LIN7A: variants seen among roughly 807,000 people sequenced by gnomAD.
LIN7A encodes protein lin-7 homolog A.
In LIN7A, 25 loss-of-function variants were observed where a neutral mutation model predicts 29.8. That is an observed-to-expected ratio of 0.84 (90% CI 0.61 to 1.17). The LOEUF (loss-of-function observed/expected upper bound fraction) is 1.17, where lower values mean the gene tolerates loss of function less well. LIN7A is among the 50% of genes most tolerant of loss of function. The pLI is 0.00. For missense variants in LIN7A, 239 were observed against 287.0 expected (o/e 0.83, Z 1.21); for synonymous variants, 118 against 107.5 (o/e 1.10, Z -0.60).
At chr12:80,831,802 A>C (rs1428066104) in intron 4 of LIN7A, among the ~76,000 whole-genome samples, 1 of 152,170 alleles carries the variant, frequency 6.6e-6, no homozygotes, top group Non-Finnish European at 1.5e-5. Context: ...AATTGCTATA[A>C]CATGGGCAAT....
intron 2 of LIN7A, among the ~76,000 whole-genome samples, chr12:80,877,903 A>G (rs928748117): frequency 7.9e-5 from 12 of 151,566 alleles, no homozygotes; most frequent in Non-Finnish European, 1.8e-4. Flanking sequence ...CCGTGGTGCC[A>G]AAAATAGAAG....
At chr12:80,907,458 G>A (rs1284011414) in intron 1 of LIN7A, among the ~76,000 whole-genome samples, 1 of 152,092 alleles carries the variant, frequency 6.6e-6, no homozygotes, top group African/African-American at 2.4e-5. Context: ...CAATGGACTT[G>A]GAAGTCAACA....
chr12:80,880,503 C>G (rs765116373), intron 2 of LIN7A, among the ~76,000 whole-genome samples: 1 of 152,116 alleles, frequency 6.6e-6, no homozygotes, highest in Non-Finnish European at 1.5e-5. Context: ...CTGGCTATGT[C>G]TGTGAAATTA....
At position 80,899,765 on chromosome 12, in the gene LIN7A, C is replaced by CTTT. The variant is rs760389788; in HGVS notation, c.83-10399_83-10397dup. Among the ~76,000 whole-genome samples, 334 of 110,040 alleles carry CTTT rather than the reference C, an allele frequency of 3.0e-3. 27 individuals are homozygous for CTTT. The highest frequency in any genetic ancestry group is 8.6e-3 in the Middle Eastern group (1 of 116). 72.2% of individuals were successfully genotyped at this position (110,040 alleles called of 152,430 possible). On this transcript the variant is annotated intron_variant, in intron 1 of 5. Coordinates refer to ENST00000552864, the MANE Select transcript of LIN7A (RefSeq NM_004664.4). ...CATTTCCTCTAGGTTTTCTTTTTTT[C>CTTT]TTTTCTTTTTTTTTTTTTTTTGAGA...
At chr12:80,845,685 A>T (rs753808468) in intron 4 of LIN7A, 45 bp downstream of exon 4, 1 of 1,512,532 alleles carries the variant, frequency 6.6e-7, no homozygotes, top group Non-Finnish European at 9.0e-7. Flanking sequence ...GCAAAAAAAA[A>T]GAATGTGCTT....
intron 5 of LIN7A, among the ~76,000 whole-genome samples, chr12:80,809,987 C>G (rs187282948): frequency 5.9e-4 from 90 of 152,170 alleles, no homozygotes; most frequent in African/African-American, 2.1e-3. Context: ...AAAGTTGTTA[C>G]CACAAATACT....
intron 1 of LIN7A, among the ~76,000 whole-genome samples, chr12:80,909,198 C>A (rs561658319): frequency 3.7e-4 from 56 of 152,240 alleles, no homozygotes; most frequent in African/African-American, 1.3e-3. Context: ...CCAATTTTTA[C>A]AGTACCATTA....
chr12:80,927,264 C>T (rs1038697998), intron 1 of LIN7A, among the ~76,000 whole-genome samples: 2 of 144,328 alleles, frequency 1.4e-5, no homozygotes, highest in African/African-American at 5.2e-5. Flanking sequence ...CGGCTTCAGG[C>T]GATTCACCTG....
chr12:80,887,913 G>A (rs376725222), intron 2 of LIN7A, among the ~76,000 whole-genome samples: 6 of 152,038 alleles, frequency 3.9e-5, no homozygotes, highest in Non-Finnish European at 7.4e-5. Context: ...ATCAAATTTC[G>A]GGGGAATGGC....
At chr12:80,898,382 A>G (rs75803996) in intron 1 of LIN7A, among the ~76,000 whole-genome samples, 9,539 of 152,124 alleles carry the variant, frequency 0.063, 465 homozygotes, top group South Asian at 0.24. Flanking sequence ...GCCTTATAGT[A>G]TAGTTTGAAG....
At chr12:80,807,077 T>TTTTGTTTTTTTTTTG (rs1555221367) in intron 5 of LIN7A, among the ~76,000 whole-genome samples, 3 of 115,538 alleles carry the variant, frequency 2.6e-5, no homozygotes, top group African/African-American at 9.7e-5. Context: ...TTTTTTTTTT[T>TTTTGTTTTTTTTTTG]TTTTTTTTTT....
chr12:80,878,493 T>C (rs911365151), intron 2 of LIN7A, among the ~76,000 whole-genome samples: 4 of 152,150 alleles, frequency 2.6e-5, no homozygotes, highest in African/African-American at 7.2e-5. Flanking sequence ...AATGAAGCCA[T>C]GGACCTTTGC....
intron 2 of LIN7A, among the ~76,000 whole-genome samples, chr12:80,884,974 A>G (rs1875252140): frequency 1.3e-5 from 2 of 152,152 alleles, no homozygotes; most frequent in African/African-American, 2.4e-5. Context: ...TACAACTTGG[A>G]AGATGATGAT....
Position 80,850,445 on chromosome 12 carries a change from T to G in LIN7A, c.202-2123A>C, listed in dbSNP as rs1157102677. On this transcript the variant is annotated intron_variant, in intron 2 of 5. Transcript: ENST00000552864. ...CTCATCTTATTTGACCATGGATCTT[T>G]TGGGGAAAATCTCCTAAGATGAGCA... Among the ~76,000 whole-genome samples the G allele has an allele frequency of 2.6e-5, 4 of 152,162 alleles. No individual in the cohort carries two copies. In the East Asian group the frequency reaches 7.7e-4, roughly 29 times the overall value.
At chr12:80,935,750 A>AT (rs746254894) in intron 1 of LIN7A, 3 of 488,120 alleles carry the variant, frequency 6.1e-6, no homozygotes, top group Non-Finnish European at 1.3e-5. Context: ...ACTCATCCAC[A>AT]GGGTAAACCT....
At chr12:80,824,319 A>C (rs1475164139) in intron 4 of LIN7A, among the ~76,000 whole-genome samples, 2 of 152,170 alleles carry the variant, frequency 1.3e-5, no homozygotes, top group Non-Finnish European at 2.9e-5. Context: ...AACCAGGAAA[A>C]TATAGAATCT....
chr12:80,820,795 G>A (rs1299369358), intron 4 of LIN7A, among the ~76,000 whole-genome samples: 2 of 152,152 alleles, frequency 1.3e-5, no homozygotes, highest in Non-Finnish European at 2.9e-5. Context: ...AGGAAGCAGG[G>A]ATAATAGAGA....
At chr12:80,917,750 C>T (rs1184368733) in intron 1 of LIN7A, among the ~76,000 whole-genome samples, 1 of 151,980 alleles carries the variant, frequency 6.6e-6, no homozygotes, top group African/African-American at 2.4e-5. Flanking sequence ...ACTTTTGTGT[C>T]GAGATCTCTC....
intron 2 of LIN7A, among the ~76,000 whole-genome samples, chr12:80,852,684 A>G (rs1873390467): frequency 6.6e-6 from 1 of 152,186 alleles, no homozygotes; most frequent in Non-Finnish European, 1.5e-5. Flanking sequence ...CTTTGAATTT[A>G]AAGCTAGATT....
Sources: gnomAD v4.1 joint callset for allele counts (sites outside exome capture counted in the v4.1 genomes callset) on GRCh38, gnomAD v4.1.1 for gene constraint, MANE v1.5 for transcripts, NCBI Gene and HGNC (gene_info 2026-07-23, HGNC 2026-07-21) for gene names.